Variants in ENTREP2 observed in about 807,000 individuals in gnomAD.
The protein encoded by ENTREP2 is protein ENTREP2.
chr15:29,136,204 G>C, the ENTREP2 span, among the ~76,000 whole-genome samples: 1 of 152,232 alleles, frequency 6.6e-6, no homozygotes, highest in African/African-American at 2.4e-5. Context: ...GGCTTCAAGA[G>C]AGATGAATGC....
chr15:29,158,466 C>T, the ENTREP2 span, among the ~76,000 whole-genome samples: 10 of 143,892 alleles, frequency 6.9e-5, no homozygotes, highest in East Asian at 2.0e-3. Flanking sequence ...AGTGCAGTGG[C>T]GTGATCTCGG....
chr15:29,665,794 C>T, the ENTREP2 span, among the ~76,000 whole-genome samples: 11 of 150,776 alleles, frequency 7.3e-5, 1 homozygote, highest in South Asian at 6.3e-4. Context: ...TTCCTGTCTG[C>T]GTTATGCAAA....
At chr15:29,674,387 A>C in the ENTREP2 span, among the ~76,000 whole-genome samples, 7 of 152,136 alleles carry the variant, frequency 4.6e-5, no homozygotes, top group Non-Finnish European at 1.0e-4. Context: ...CTCCTGCCTC[A>C]GCCTCCCGAG....
the ENTREP2 span, among the ~76,000 whole-genome samples, chr15:29,347,237 C>A: frequency 2.0e-5 from 3 of 152,150 alleles, no homozygotes; most frequent in Non-Finnish European, 4.4e-5. Context: ...TGCAGCTTCA[C>A]CATTATAGCT....
chr15:29,403,925 G>T, the ENTREP2 span, among the ~76,000 whole-genome samples: 1 of 152,192 alleles, frequency 6.6e-6, no homozygotes, highest in Non-Finnish European at 1.5e-5. Flanking sequence ...CTGCTCTGCT[G>T]CCCCTGGCTG....
chr15:29,493,472 C>T, the ENTREP2 span, among the ~76,000 whole-genome samples: 1 of 151,842 alleles, frequency 6.6e-6, no homozygotes, highest in African/African-American at 2.4e-5. Flanking sequence ...CTATGTAAAT[C>T]CTGAGGCAAA....
At chr15:29,170,123 T>C in the ENTREP2 span, among the ~76,000 whole-genome samples, 2 of 151,648 alleles carry the variant, frequency 1.3e-5, no homozygotes, top group Non-Finnish European at 2.9e-5. Context: ...CTGGCTAACA[T>C]GGTGAAACCC....
chr15:29,308,706 G>A, the ENTREP2 span, among the ~76,000 whole-genome samples: 1 of 152,184 alleles, frequency 6.6e-6, no homozygotes, highest in East Asian at 1.9e-4. Flanking sequence ...TTAGAATGAC[G>A]TTGAAGATGT....
chr15:29,618,176 C>A, the ENTREP2 span, among the ~76,000 whole-genome samples: 15 of 152,110 alleles, frequency 9.9e-5, no homozygotes, highest in Non-Finnish European at 1.9e-4. Flanking sequence ...GTAATTCCAG[C>A]ACTTTGGGAG....
chr15:29,531,165 C>T, the ENTREP2 span, among the ~76,000 whole-genome samples: 2 of 152,218 alleles, frequency 1.3e-5, no homozygotes, highest in Admixed American at 1.3e-4. Context: ...CTCTTGATTT[C>T]TCCTGACTTT....
the ENTREP2 span, among the ~76,000 whole-genome samples, chr15:29,223,662 A>G: frequency 3.5e-4 from 53 of 152,254 alleles, no homozygotes; most frequent in African/African-American, 1.2e-3. Context: ...AGCCCTGCTA[A>G]ACACAATGCG....
At chr15:29,656,993 G>C in the ENTREP2 span, among the ~76,000 whole-genome samples, 1 of 152,062 alleles carries the variant, frequency 6.6e-6, no homozygotes, top group African/African-American at 2.4e-5. Context: ...TGCCGGCCAG[G>C]GTGTTCGTGG....
chr15:29,128,908 A>C, the ENTREP2 span: 1 of 1,400,058 alleles, frequency 7.1e-7, no homozygotes, highest in Non-Finnish European at 9.8e-7. Flanking sequence ...GGTCCGTGGG[A>C]ACGCAGCACA....
chr15:29,410,542 C>T, the ENTREP2 span, among the ~76,000 whole-genome samples: 126 of 152,174 alleles, frequency 8.3e-4, 1 homozygote, highest in Admixed American at 8.2e-3. Flanking sequence ...GATCACCCGC[C>T]GTAGCCAACT....
the ENTREP2 span, among the ~76,000 whole-genome samples, chr15:29,134,510 A>G: frequency 1.3e-5 from 2 of 152,148 alleles, no homozygotes; most frequent in Non-Finnish European, 2.9e-5. Context: ...CTGGCCCACC[A>G]CAAGCCACCC....
chr15:29,544,917 C>T, the ENTREP2 span, among the ~76,000 whole-genome samples: 2 of 152,154 alleles, frequency 1.3e-5, no homozygotes, highest in South Asian at 2.1e-4. Flanking sequence ...CCTAGTGACA[C>T]GTATCTGCAT....
the ENTREP2 span, among the ~76,000 whole-genome samples, chr15:29,447,710 G>A: frequency 2.7e-5 from 4 of 149,838 alleles, no homozygotes; most frequent in Non-Finnish European, 5.9e-5. Flanking sequence ...AGCTGGTCTC[G>A]AACTCCTGGG....
the ENTREP2 span, among the ~76,000 whole-genome samples, chr15:29,137,669 T>A: frequency 6.6e-6 from 1 of 152,104 alleles, no homozygotes; most frequent in Non-Finnish European, 1.5e-5. Context: ...ACCCCGTCTC[T>A]ACTAAAAATA....
the ENTREP2 span, among the ~76,000 whole-genome samples, chr15:29,206,174 CCAG>C: frequency 3.3e-5 from 5 of 152,164 alleles, no homozygotes; most frequent in African/African-American, 1.2e-4. Context: ...GATTAAAACA[CCAG>C]CAGATTTGGT....
Sources: allele counts gnomAD v4.1 joint callset (sites outside exome capture counted in the v4.1 genomes callset), GRCh38; gene constraint gnomAD v4.1.1; transcripts MANE v1.5; gene names NCBI Gene and HGNC (gene_info 2026-07-23, HGNC 2026-07-21).